KHDRBS2: variants seen among roughly 807,000 people sequenced by gnomAD.
KHDRBS2 encodes the protein KH domain-containing, RNA-binding, signal transduction-associated protein 2.
KHDRBS2 carries 26 observed loss-of-function variants against 44.3 expected under a neutral mutation model. That is an observed-to-expected ratio of 0.59 (90% confidence interval 0.43 to 0.81). The LOEUF is 0.81. KHDRBS2 is among the 40% of genes least tolerant of loss of function. The pLI is 0.00. For synonymous variants in KHDRBS2, 194 were observed against 151.1 expected (o/e 1.28, Z -2.08); for missense variants, 476 against 433.1 (o/e 1.10, Z -0.88).
chr6:62,014,715 T>C (rs1173294859), intron 3 of KHDRBS2, among the ~76,000 whole-genome samples: 1 of 152,152 alleles, frequency 6.6e-6, no homozygotes, highest in Non-Finnish European at 1.5e-5. Flanking sequence ...TTAATTTAGA[T>C]TCTAGAGTTA....
the KHDRBS2 span, among the ~76,000 whole-genome samples, chr6:61,557,897 T>C: frequency 6.6e-6 from 1 of 152,126 alleles, no homozygotes; most frequent in Non-Finnish European, 1.5e-5. Context: ...AATTTTTCCA[T>C]TTCTTCTAGA....
At chr6:61,676,925 T>G (rs1765978944), downstream of KHDRBS2, among the ~76,000 whole-genome samples, 1 of 151,898 alleles carries the variant, frequency 6.6e-6, no homozygotes, top group African/African-American at 2.4e-5. Flanking sequence ...TAGAAGTCTT[T>G]TATATCTACT....
chr6:62,101,392 TA>T (rs2127373538), intron 2 of KHDRBS2, among the ~76,000 whole-genome samples: 1 of 152,158 alleles, frequency 6.6e-6, no homozygotes, highest in East Asian at 1.9e-4. Context: ...TTTCATGGGG[TA>T]AAATGGAGAC....
At chr6:61,853,683 G>GA (rs2127287550) in intron 6 of KHDRBS2, among the ~76,000 whole-genome samples, 1 of 152,284 alleles carries the variant, frequency 6.6e-6, no homozygotes, top group African/African-American at 2.4e-5. Flanking sequence ...TTCAGGGGCA[G>GA]AAAAAATAAA....
At chr6:61,804,403 T>C (rs2127590581) in intron 6 of KHDRBS2, among the ~76,000 whole-genome samples, 1 of 152,218 alleles carries the variant, frequency 6.6e-6, no homozygotes, top group East Asian at 1.9e-4. Context: ...ATTGAATGTC[T>C]GTGGATTTTC....
intron 2 of KHDRBS2, among the ~76,000 whole-genome samples, chr6:62,048,942 CTCTTTTCTTTTCTTT>C (rs1023427762): frequency 1.3e-5 from 2 of 151,786 alleles, no homozygotes; most frequent in African/African-American, 4.8e-5. Flanking sequence ...TTCTTTCCTT[CTCTTTTCTTTTCTTT>C]TCCTTTTCTC....
the KHDRBS2 span, among the ~76,000 whole-genome samples, chr6:61,603,765 T>A: frequency 1.5e-4 from 23 of 152,262 alleles, no homozygotes; most frequent in Admixed American, 1.3e-3. Flanking sequence ...TTGTTGAGCC[T>A]CCCACAATTA....
At chr6:61,644,640 G>A in the KHDRBS2 span, among the ~76,000 whole-genome samples, 1 of 152,146 alleles carries the variant, frequency 6.6e-6, no homozygotes, top group East Asian at 1.9e-4. Context: ...TTAAAAAGTA[G>A]GCAAAAGACA....
chr6:61,956,522 C>A (rs74741562), intron 4 of KHDRBS2, among the ~76,000 whole-genome samples: 1 of 152,092 alleles, frequency 6.6e-6, no homozygotes, highest in East Asian at 1.9e-4. Context: ...ACCATTACAG[C>A]CACTGTCAGA....
intron 3 of KHDRBS2, among the ~76,000 whole-genome samples, chr6:62,023,049 G>A (rs1460153442): frequency 1.3e-5 from 2 of 151,544 alleles, no homozygotes; most frequent in East Asian, 3.9e-4. Context: ...ATTGAAGGAT[G>A]TTTAGCTTAG....
chr6:61,704,474 G>A (rs1769173044), intron 7 of KHDRBS2, among the ~76,000 whole-genome samples: 1 of 151,814 alleles, frequency 6.6e-6, no homozygotes, highest in Non-Finnish European at 1.5e-5. Context: ...CCAGAGGCAA[G>A]AAAATGTGTG....
the KHDRBS2 span, among the ~76,000 whole-genome samples, chr6:61,635,589 G>A: frequency 6.6e-6 from 1 of 151,908 alleles, no homozygotes; most frequent in Non-Finnish European, 1.5e-5. Flanking sequence ...TGTTGCAAAG[G>A]GGGAAATGAA....
At chr6:62,232,018 A>C (rs2150159784) in intron 1 of KHDRBS2, among the ~76,000 whole-genome samples, 1 of 152,284 alleles carries the variant, frequency 6.6e-6, no homozygotes, top group Non-Finnish European at 1.5e-5. Flanking sequence ...TGCCTGTCTA[A>C]TGTTACTCAT....
chr6:62,061,418 C>A (rs1166982868), intron 2 of KHDRBS2, among the ~76,000 whole-genome samples: 5 of 151,302 alleles, frequency 3.3e-5, no homozygotes. Context: ...GATTTTATTT[C>A]TCCTTCACTT....
At chr6:61,742,343 T>G (rs1334945807) in intron 6 of KHDRBS2, among the ~76,000 whole-genome samples, 1 of 151,984 alleles carries the variant, frequency 6.6e-6, no homozygotes, top group Non-Finnish European at 1.5e-5. Context: ...ATGGTAATAA[T>G]CAAAAATTTA....
intron 4 of KHDRBS2, among the ~76,000 whole-genome samples, chr6:61,960,688 T>G (rs1482643118): frequency 6.6e-6 from 1 of 152,168 alleles, no homozygotes; most frequent in East Asian, 1.9e-4. Context: ...TAAATTATTC[T>G]AAGCATTTTA....
At chr6:61,561,186 A>ACT in the KHDRBS2 span, among the ~76,000 whole-genome samples, 136 of 148,540 alleles carry the variant, frequency 9.2e-4, no homozygotes, top group Non-Finnish European at 1.1e-3. Context: ...ATAAATGGAG[A>ACT]CTCTCTCTCT....
chr6:62,042,078 C>T lies in KHDRBS2; in HGVS notation c.336+5800G>A, dbSNP rs149412951. Among the ~76,000 whole-genome samples, 82 of 152,088 alleles carry T rather than the reference C, an allele frequency of 5.4e-4. 1 individual carries two copies. The East Asian group carries it at 8.0e-3, about 15-fold the overall frequency. On this transcript the variant is annotated intron_variant, in intron 3 of 8. Transcript: ENST00000281156. Reference sequence around the variant, plus strand: ...ATACTGAAATAATCTATTGGTTAAACGTTGCAACATAAGTTTCATTGTATT... The same window carrying T: ...ATACTGAAATAATCTATTGGTTAAATGTTGCAACATAAGTTTCATTGTATT...
rs146474181 is a variant in KHDRBS2, at chr6:62,136,729, C to A, written c.219+40456G>T. 9.8e-5 allele frequency among the ~76,000 whole-genome samples: 15 copies of A among 152,322 alleles called. No homozygotes were observed. The East Asian group carries it at 2.7e-3, about 27-fold the overall frequency. On this transcript the variant is annotated intron_variant, in intron 2 of 8. Transcript: ENST00000281156. ...CTACCACAATGAACAGCCACTATCA[C>A]ATGAGATTCTTGGCTTCTGCCTGGC...
Sources: allele counts gnomAD v4.1 joint callset (sites outside exome capture counted in the v4.1 genomes callset), GRCh38; gene constraint gnomAD v4.1.1; transcripts MANE v1.5; gene names NCBI Gene and HGNC (gene_info 2026-07-23, HGNC 2026-07-21).